The following MTO1 variants were observed in gnomAD, a reference collection of about 807,000 sequenced individuals.
The protein encoded by MTO1 is 5-taurinomethyluridine-[tRNA] synthase subunit MTO1, mitochondrial.
Under a neutral mutation model 71.6 loss-of-function variants are expected in MTO1, and 46 were observed. That is an observed-to-expected ratio of 0.64 (90% confidence interval 0.51 to 0.82). The LOEUF (loss-of-function observed/expected upper bound fraction) is 0.82. Among genes scored for constraint, MTO1 ranks in the 40% least tolerant of loss-of-function variants. MTO1 has a pLI of 0.00. For missense variants in MTO1, 773 were observed against 867.5 expected (o/e 0.89, Z 1.37); for synonymous variants, 297 against 312.1 (o/e 0.95, Z 0.51).
intron 4 of MTO1, among the ~76,000 whole-genome samples, chr6:73,474,540 C>T (rs542060339): frequency 3.9e-5 from 6 of 152,252 alleles, no homozygotes; most frequent in African/African-American, 1.4e-4. Flanking sequence ...CTTCCGCATC[C>T]TGGGTTCAAG....
At chr6:73,480,364 C>G (rs1582685189) in intron 6 of MTO1, 2 of 670,606 alleles carry the variant, frequency 3.0e-6, no homozygotes, top group Non-Finnish European at 5.4e-6. Context: ...CCTCCCCCTG[C>G]CAGGTTCGTG....
intron 9 of MTO1, among the ~76,000 whole-genome samples, chr6:73,486,346 C>CA (rs903853591): frequency 1.3e-5 from 2 of 152,124 alleles, no homozygotes; most frequent in African/African-American, 4.8e-5. Context: ...TTGCAAAACT[C>CA]AAACACTATA....
chr6:73,500,148 C>T (rs939449026), intron 11 of MTO1, among the ~76,000 whole-genome samples: 2 of 152,118 alleles, frequency 1.3e-5, no homozygotes, highest in African/African-American at 4.8e-5. Flanking sequence ...TACAAGTGTG[C>T]ACCACCATCC....
chr6:73,471,761 A>G (rs1256362019), intron 3 of MTO1: 1 of 168,636 alleles, frequency 5.9e-6, no homozygotes, highest in Non-Finnish European at 1.3e-5. Context: ...GATCCTGTCC[A>G]TATTTTATAG....
chr6:73,461,772 C>T lies in MTO1; in HGVS notation c.-83C>T, dbSNP rs1012053244. 9.1e-6 allele frequency: 13 copies of T among 1,434,392 alleles called. No individual in the cohort carries two copies. Among genetic ancestry groups the T allele is most frequent in the East Asian group, 4.6e-5 (2 of 43,066 alleles). 88.9% of individuals were successfully genotyped at this position (1,434,392 alleles called of 1,614,324 possible). A position where few individuals can be genotyped will look rare whatever the true frequency, so the allele number is the denominator to read the frequency against. ...GTGATATTAAAGCAAGATGGCCGCG[C>T]CCTGCAGATTGTCTCTTGTTGCGTA... is the stretch of plus-strand genomic sequence containing the variant. On this transcript the variant is annotated 5_prime_UTR_variant, in exon 1 of 12. Transcript: ENST00000498286.
chr6:73,466,448 T>G, intron 2 of MTO1, 40 bp downstream of exon 2: 1 of 1,613,294 alleles, frequency 6.2e-7, no homozygotes, highest in African/African-American at 1.3e-5. Flanking sequence ...TTATAGTGAT[T>G]GTTTAATTAC....
intron 9 of MTO1, among the ~76,000 whole-genome samples, chr6:73,489,071 T>G (rs1659720217): frequency 6.6e-6 from 1 of 152,236 alleles, no homozygotes; most frequent in African/African-American, 2.4e-5. Context: ...ATTTTATACC[T>G]TAAGGCCTTT....
intron 6 of MTO1, 69 bp downstream of exon 6, chr6:73,480,195 A>G: frequency 6.9e-7 from 1 of 1,439,912 alleles, no homozygotes; most frequent in South Asian, 1.2e-5. Context: ...AGGAGGCCTT[A>G]GCTACAGTCA....
intron 3 of MTO1, among the ~76,000 whole-genome samples, chr6:73,468,862 C>T (rs1007897247): frequency 1.3e-5 from 2 of 152,142 alleles, no homozygotes; most frequent in Non-Finnish European, 1.5e-5. Flanking sequence ...CCTACCTCCA[C>T]CTCCCAAAGT....
At chr6:73,483,124 T>C (rs897922445) in intron 9 of MTO1, among the ~76,000 whole-genome samples, 1 of 151,864 alleles carries the variant, frequency 6.6e-6, no homozygotes, top group Non-Finnish European at 1.5e-5. Flanking sequence ...TTAAAAAATA[T>C]ATGGCTGGAT....
chr6:73,472,557 C>T (rs565037579), intron 3 of MTO1, among the ~76,000 whole-genome samples: 1 of 152,142 alleles, frequency 6.6e-6, no homozygotes, highest in South Asian at 2.1e-4. Flanking sequence ...AATTCTTTGT[C>T]TGGGGTAGGG....
At chr6:73,464,852 A>AC (rs1296539433) in intron 1 of MTO1, among the ~76,000 whole-genome samples, 2 of 150,058 alleles carry the variant, frequency 1.3e-5, no homozygotes, top group East Asian at 3.9e-4. Flanking sequence ...AAAAAAAAAA[A>AC]AAAAAAAAAC....
intron 1 of MTO1, 146 bp downstream of exon 1, chr6:73,462,217 C>A (rs993118294): frequency 1.0e-5 from 9 of 868,024 alleles, no homozygotes; most frequent in Non-Finnish European, 1.6e-5. Flanking sequence ...ATCAGTGTCT[C>A]GCAAGGATCA....
chr6:73,477,017 T>C (rs1246457553), intron 4 of MTO1, among the ~76,000 whole-genome samples: 5 of 151,890 alleles, frequency 3.3e-5, no homozygotes, highest in Non-Finnish European at 7.4e-5. Context: ...TGAACTGCTG[T>C]TCTTAAATGA....
At chr6:73,493,393 G>GTGT (rs1771883651) in intron 10 of MTO1, among the ~76,000 whole-genome samples, 3 of 93,170 alleles carry the variant, frequency 3.2e-5, no homozygotes, top group Non-Finnish European at 7.2e-5. Flanking sequence ...TGTGTGTTTT[G>GTGT]GTTTTTTCTT....
At chr6:73,487,077 A>G (rs918112552) in intron 9 of MTO1, among the ~76,000 whole-genome samples, 1 of 152,068 alleles carries the variant, frequency 6.6e-6, no homozygotes, top group Non-Finnish European at 1.5e-5. Context: ...GTGTTTATCT[A>G]TTCATCTGTT....
In MTO1 at chr6:73,482,471, G is replaced by A. The variant is rs1305513346; in HGVS notation, c.1488G>A (p.Val496=). 1 of 1,613,028 alleles carries A rather than the reference G, an allele frequency of 6.2e-7. No individual in the cohort carries two copies. The highest frequency in any genetic ancestry group is 2.2e-5 in the East Asian group (1 of 44,888). The stretch of plus-strand genomic sequence containing the variant: ...TAGGGTATAAAGACGCTGGCTGTGT[G>A]TCCCAACAACGATATGAAAGAGCTT... ...TLRGYKDAGC[V]SQQRYERACW... The change falls in exon 9 of 12, where the codon GTG becomes GTA. Residue 496 remains valine, a synonymous_variant. Coordinates refer to ENST00000498286, the MANE Select transcript of MTO1 (RefSeq NM_012123.4).
chr6:73,505,019 TATTAAA>T lies in MTO1; in HGVS notation c.*4287_*4292del, dbSNP rs907102524. On this transcript the variant is annotated 3_prime_UTR_variant, in exon 12 of 12. Transcript: ENST00000498286. Reference sequence around the variant, plus strand: ...ACCAACATGTTGAAACCCCATCTCTTATTAAAATACAAAAATTAGCTGGGCGTGGTG... The same window carrying T: ...ACCAACATGTTGAAACCCCATCTCTTATACAAAAATTAGCTGGGCGTGGTG... The T allele has an allele frequency of 6.6e-6, 1 of 152,038 alleles. No homozygotes were observed. Among genetic ancestry groups the T allele is most frequent in the African/African-American group, 2.4e-5 (1 of 41,408 alleles). The allele number at this position is 152,038 out of a possible 1,614,324, so 9.4% of individuals were successfully genotyped here.
At position 73,503,578 on chromosome 6, in the gene MTO1, C is replaced by T. The variant is rs1772215988; in HGVS notation, c.*2843C>T. ...AATGTAACCTTACTCAATGTAGTTA[C>T]TTCATAGAAATCCCATCACTGACAA... is the stretch of plus-strand genomic sequence containing the variant. On this transcript the variant is annotated 3_prime_UTR_variant, in exon 12 of 12. Transcript: ENST00000498286. 1 of 152,192 alleles carries T rather than the reference C, an allele frequency of 6.6e-6. No homozygotes were observed. Among genetic ancestry groups the T allele is most frequent in the Non-Finnish European group, 1.5e-5 (1 of 68,044 alleles). The allele number at this position is 152,192 out of a possible 1,614,324, so 9.4% of individuals were successfully genotyped here.
Sources: gnomAD v4.1 joint callset for allele counts (sites outside exome capture counted in the v4.1 genomes callset) on GRCh38, gnomAD v4.1.1 for gene constraint, MANE v1.5 for transcripts, NCBI Gene and HGNC (gene_info 2026-07-23, HGNC 2026-07-21) for gene names.